Variants in PRELID2 observed in about 807,000 individuals in gnomAD.
PRELID2 encodes PRELI domain containing 2.
In PRELID2, 25 loss-of-function variants were observed where a neutral mutation model predicts 28.4. That is an observed-to-expected ratio of 0.88 (90% CI 0.64 to 1.23). The LOEUF is 1.23. PRELID2 is among the 50% of genes most tolerant of loss of function. The pLI is 0.00. For synonymous variants in PRELID2, 76 were observed against 71.6 expected, an observed-to-expected ratio of 1.06 and a Z score of -0.31; for missense variants, 201 against 214.4, an observed-to-expected ratio of 0.94 and a Z score of 0.39.
chr5:145,380,460 A>G, the PRELID2 span, among the ~76,000 whole-genome samples: 1 of 152,064 alleles, frequency 6.6e-6, no homozygotes, highest in African/African-American at 2.4e-5. Flanking sequence ...TCCAAAAGTT[A>G]TTTTCTAAAT....
At chr5:145,455,854 C>T in the PRELID2 span, among the ~76,000 whole-genome samples, 1 of 152,204 alleles carries the variant, frequency 6.6e-6, no homozygotes, top group Admixed American at 6.5e-5. Context: ...TTGGCTCGCC[C>T]TCCATGGGCT....
chr5:145,296,798 A>C, the PRELID2 span, among the ~76,000 whole-genome samples: 1 of 152,174 alleles, frequency 6.6e-6, no homozygotes, highest in Non-Finnish European at 1.5e-5. Context: ...ACTAGTTTAC[A>C]GTCCCACCAA....
At chr5:145,325,002 C>G in the PRELID2 span, among the ~76,000 whole-genome samples, 16 of 152,130 alleles carry the variant, frequency 1.1e-4, no homozygotes, top group African/African-American at 3.6e-4. Flanking sequence ...GTTCAAGTCT[C>G]CTGGAGATGA....
chr5:145,770,622 C>T (rs1758042981), intron 5 of PRELID2, among the ~76,000 whole-genome samples: 1 of 152,136 alleles, frequency 6.6e-6, no homozygotes, highest in Non-Finnish European at 1.5e-5. Flanking sequence ...GAAGACTTTC[C>T]AATGGGACAA....
At chr5:145,365,059 G>A in the PRELID2 span, among the ~76,000 whole-genome samples, 1 of 151,888 alleles carries the variant, frequency 6.6e-6, no homozygotes, top group Admixed American at 6.6e-5. Context: ...TGTCTTATAG[G>A]AACTCATAGA....
At chr5:145,518,989 TAA>T (rs1752542054) in intron 1 of PRELID2, among the ~76,000 whole-genome samples, 2 of 152,206 alleles carry the variant, frequency 1.3e-5, no homozygotes, top group African/African-American at 4.8e-5. Context: ...TTGTATCCCA[TAA>T]CTTCCCACTA....
intron 4 of PRELID2, among the ~76,000 whole-genome samples, chr5:145,808,336 G>T (rs547139266): frequency 6.6e-6 from 1 of 151,758 alleles, no homozygotes; most frequent in Admixed American, 6.6e-5. Context: ...CCAGACTACC[G>T]AATTTACTCA....
chr5:145,771,206 G>A (rs943882319), intron 5 of PRELID2, among the ~76,000 whole-genome samples: 1 of 151,918 alleles, frequency 6.6e-6, no homozygotes, highest in African/African-American at 2.4e-5. Context: ...TTATCATTGT[G>A]TTACAATTGC....
chr5:145,525,959 A>G (rs1156343109), intron 1 of PRELID2, among the ~76,000 whole-genome samples: 2 of 152,140 alleles, frequency 1.3e-5, no homozygotes, highest in African/African-American at 4.8e-5. Context: ...TCATTCATGT[A>G]CTTCTAAGCA....
intron 1 of PRELID2, among the ~76,000 whole-genome samples, chr5:145,616,415 T>C (rs1026241031): frequency 2.0e-5 from 3 of 152,310 alleles, no homozygotes; most frequent in East Asian, 1.9e-4. Context: ...CAGCCAGATA[T>C]TGGGCGAAAT....
chr5:145,753,471 G>A (rs1222819543), downstream of PRELID2, among the ~76,000 whole-genome samples: 2 of 152,196 alleles, frequency 1.3e-5, no homozygotes, highest in Non-Finnish European at 2.9e-5. Flanking sequence ...AAGAGGCACT[G>A]AGGCACTTTT....
chr5:145,661,911 G>T (rs1404218859), intron 1 of PRELID2, among the ~76,000 whole-genome samples: 1 of 152,112 alleles, frequency 6.6e-6, no homozygotes, highest in Admixed American at 6.6e-5. Context: ...AAACATCTCA[G>T]AACAGTGTAA....
At position 145,650,917 on chromosome 5, in the gene PRELID2, A is replaced by G. The variant is rs574807479; in HGVS notation, n.70+114014T>C. Among the ~76,000 whole-genome samples, 3 of 152,208 alleles carry G rather than the reference A, an allele frequency of 2.0e-5. No homozygotes were observed. The South Asian group carries it at 6.2e-4, about 32-fold the overall frequency. On this transcript the variant is annotated intron_variant and non_coding_transcript_variant, in intron 1 of 2. Coordinates refer to the PRELID2 transcript ENST00000510259. Reference sequence around the variant, plus strand: ...GCTTGTCAGACAGTGGGTGCAGGACAGTGGGTGCGGCCCACCGAGCGTGAG... The same window carrying G: ...GCTTGTCAGACAGTGGGTGCAGGACGGTGGGTGCGGCCCACCGAGCGTGAG...
chr5:145,819,840 A>G, intron 3 of PRELID2, 105 bp downstream of exon 3: 1 of 788,324 alleles, frequency 1.3e-6, no homozygotes. Flanking sequence ...TAAAAGGAGT[A>G]GGAAGTTTCT....
At chr5:145,428,940 C>A in the PRELID2 span, among the ~76,000 whole-genome samples, 1 of 151,960 alleles carries the variant, frequency 6.6e-6, no homozygotes, top group Non-Finnish European at 1.5e-5. Flanking sequence ...GCTGAGTGAA[C>A]AAAGTCCAAA....
chr5:145,615,847 C>T (rs114863199), intron 1 of PRELID2, among the ~76,000 whole-genome samples: 1,751 of 152,268 alleles, frequency 0.011, 41 homozygotes, highest in African/African-American at 0.04. Flanking sequence ...AAGATTTATG[C>T]TTTAAAGAGG....
chr5:145,665,982 T>C (rs1478348738), intron 1 of PRELID2, among the ~76,000 whole-genome samples: 4 of 144,468 alleles, frequency 2.8e-5, no homozygotes, highest in African/African-American at 1.1e-4. Context: ...ACTTGTCTTT[T>C]TTTTAAAAAA....
intron 1 of PRELID2, among the ~76,000 whole-genome samples, chr5:145,513,945 T>C (rs1438230854): frequency 6.6e-6 from 1 of 152,100 alleles, no homozygotes; most frequent in East Asian, 1.9e-4. Flanking sequence ...AGGCAAATGC[T>C]AAGAGATTTT....
chr5:145,394,819 C>T, the PRELID2 span, among the ~76,000 whole-genome samples: 472 of 152,150 alleles, frequency 3.1e-3, 1 homozygote, highest in African/African-American at 8.9e-3. Context: ...TTGATTCTGG[C>T]TCTGTCGTTT....
Sources: allele counts gnomAD v4.1 joint callset (sites outside exome capture counted in the v4.1 genomes callset), GRCh38; gene constraint gnomAD v4.1.1; transcripts MANE v1.5; gene names NCBI Gene and HGNC (gene_info 2026-07-23, HGNC 2026-07-21).